The following WWOX variants were observed in gnomAD, a reference collection of about 807,000 sequenced individuals.
The protein encoded by WWOX is WW domain-containing oxidoreductase.
In WWOX, 69 loss-of-function variants were observed where a neutral mutation model predicts 46.2. The ratio of observed to expected loss-of-function variants is 1.49; its 90% confidence interval spans 1.23 to 1.82. The LOEUF is 1.82. WWOX is among the 40% of genes most tolerant of loss of function. The probability of loss-of-function intolerance (pLI) is 0.00; values close to 1 mark genes in which losing one functional copy is unlikely to be tolerated. For missense variants in WWOX, 919 were observed against 542.6 expected, an observed-to-expected ratio of 1.69 and a Z score of -6.89; for synonymous variants, 359 against 202.6, an observed-to-expected ratio of 1.77 and a Z score of -6.56.
chr16:78,973,126 C>G (rs535466346), intron 8 of WWOX, among the ~76,000 whole-genome samples: 1 of 152,284 alleles, frequency 6.6e-6, no homozygotes, highest in East Asian at 1.9e-4. Flanking sequence ...ATTCCCTTCC[C>G]GTATAAGGTG....
intron 8 of WWOX, among the ~76,000 whole-genome samples, chr16:79,124,306 C>G (rs1168078641): frequency 1.3e-5 from 2 of 151,742 alleles, no homozygotes. Context: ...CATGGAAATG[C>G]ATTTCCAATG....
At chr16:78,697,838 C>G (rs965282002) in intron 8 of WWOX, among the ~76,000 whole-genome samples, 11 of 152,028 alleles carry the variant, frequency 7.2e-5, no homozygotes, top group African/African-American at 2.7e-4. Context: ...CTGTTTTGGT[C>G]CTGACAATAC....
intron 8 of WWOX, among the ~76,000 whole-genome samples, chr16:78,502,980 A>G (rs2085107851): frequency 6.6e-6 from 1 of 152,204 alleles, no homozygotes; most frequent in Admixed American, 6.5e-5. Flanking sequence ...GCGATCTTTG[A>G]TTACTACACA....
intron 8 of WWOX, among the ~76,000 whole-genome samples, chr16:78,747,603 G>A (rs2049378744): frequency 6.6e-6 from 1 of 152,082 alleles, no homozygotes. Context: ...CTAGCAAATG[G>A]TGGAGTCGAA....
At chr16:78,358,465 C>G (rs1484900592) in intron 5 of WWOX, among the ~76,000 whole-genome samples, 2 of 152,134 alleles carry the variant, frequency 1.3e-5, no homozygotes, top group Non-Finnish European at 2.9e-5. Flanking sequence ...TGAGACCAGC[C>G]TGGCCAACAT....
At chr16:78,451,634 G>C (rs2083693716) in intron 8 of WWOX, among the ~76,000 whole-genome samples, 1 of 152,164 alleles carries the variant, frequency 6.6e-6, no homozygotes, top group African/African-American at 2.4e-5. Context: ...ACATCTTTGG[G>C]CTGTTGGTGG....
chr16:78,333,889 G>C (rs2080819877), intron 5 of WWOX, among the ~76,000 whole-genome samples: 1 of 152,144 alleles, frequency 6.6e-6, no homozygotes, highest in African/African-American at 2.4e-5. Context: ...GAACAACACA[G>C]TGAGAGCAGA....
At chr16:78,652,296 C>G (rs577495661) in intron 8 of WWOX, among the ~76,000 whole-genome samples, 9 of 150,318 alleles carry the variant, frequency 6.0e-5, no homozygotes, top group African/African-American at 2.2e-4. Flanking sequence ...GTAATCCCAG[C>G]TACTCGGGAG....
intron 8 of WWOX, among the ~76,000 whole-genome samples, chr16:78,853,215 T>C (rs906435035): frequency 2.0e-5 from 3 of 152,142 alleles, no homozygotes; most frequent in African/African-American, 7.2e-5. Flanking sequence ...ATAATTATTA[T>C]TATTTTTTTC....
chr16:78,437,054 A>T (rs1391426437), intron 8 of WWOX, among the ~76,000 whole-genome samples: 1 of 152,116 alleles, frequency 6.6e-6, no homozygotes, highest in Admixed American at 6.6e-5. Flanking sequence ...TTTACCTTAG[A>T]GAGGGTGCTT....
chr16:78,670,600 G>A (rs183068746), intron 8 of WWOX, among the ~76,000 whole-genome samples: 95 of 152,080 alleles, frequency 6.2e-4, no homozygotes, highest in Non-Finnish European at 1.1e-3. Flanking sequence ...GATGAATAAT[G>A]TCCCCCCAAA....
chr16:78,239,680 A>G (rs570782737), intron 5 of WWOX, among the ~76,000 whole-genome samples: 1 of 152,114 alleles, frequency 6.6e-6, no homozygotes, highest in African/African-American at 2.4e-5. Context: ...GTCTACAGTC[A>G]CATGCCACCA....
chr16:78,744,712 G>A (rs957374323), intron 8 of WWOX, among the ~76,000 whole-genome samples: 1 of 152,034 alleles, frequency 6.6e-6, no homozygotes, highest in Admixed American at 6.6e-5. Context: ...GATTACAGGC[G>A]TGAGCCACTG....
chr16:78,503,612 A>G lies in WWOX; in HGVS notation c.1056+70860A>G, dbSNP rs535931472. 3.3e-4 allele frequency: 51 copies of G among 152,330 alleles called. 1 individual carries two copies. The highest frequency in any genetic ancestry group is 1.1e-3 in the African/African-American group (46 of 41,576). The allele number at this position is 152,330 out of a possible 1,614,324, so 9.4% of individuals were successfully genotyped here. ...AAAACTGAAAGAACATTTCCACACC[A>G]TTAGAAATAAGATTTCTTCTTAAAA... On this transcript the variant is annotated intron_variant, in intron 8 of 8. Transcript: ENST00000566780.
Position 78,680,666 on chromosome 16 carries a change from G to T in WWOX, c.1056+247914G>T, listed in dbSNP as rs75524925. 7.6e-3 allele frequency among the ~76,000 whole-genome samples: 1,158 copies of T among 152,290 alleles called. 15 individuals are homozygous for T. Among genetic ancestry groups the T allele is most frequent in the African/African-American group, 0.026 (1,098 of 41,568 alleles). ...TCAATCTCTCACTCACACATTACAA[G>T]TGCTAAACATCCGGACACATCTAGT... On this transcript the variant is annotated intron_variant, in intron 8 of 8. Transcript: ENST00000566780.
At position 79,058,133 on chromosome 16, in the gene WWOX, A is replaced by C. The variant is rs201653844; in HGVS notation, c.1057-153475A>C. Among the ~76,000 whole-genome samples, 819 of 146,032 alleles carry C rather than the reference A, an allele frequency of 5.6e-3. 4 individuals are homozygous for C. Among genetic ancestry groups the C allele is most frequent in the Non-Finnish European group, 8.7e-3 (585 of 67,250 alleles). ...AAAAAAAAAAAAACAAACAAACAAA[A>C]AAAAAAAACTCCTTCTTCATTTGTT... On this transcript the variant is annotated intron_variant, in intron 8 of 8. Transcript: ENST00000566780.
chr16:79,169,457 A>C (rs1191819484), intron 8 of WWOX, among the ~76,000 whole-genome samples: 1 of 152,212 alleles, frequency 6.6e-6, no homozygotes, highest in Non-Finnish European at 1.5e-5. Flanking sequence ...ACTGAGCACT[A>C]TTCTTGGAAT....
intron 8 of WWOX, among the ~76,000 whole-genome samples, chr16:78,494,779 T>G (rs2738723): frequency 0.73 from 111,699 of 152,114 alleles, 43,676 homozygotes; most frequent in Admixed American, 0.86. Context: ...CCCCCCATCT[T>G]TATGGTATGG....
At chr16:78,786,806 A>T (rs973304181) in intron 8 of WWOX, among the ~76,000 whole-genome samples, 3 of 152,226 alleles carry the variant, frequency 2.0e-5, no homozygotes, top group African/African-American at 7.2e-5. Context: ...TTTCTAATAC[A>T]TGCTTTATGG....
Sources: allele counts gnomAD v4.1 joint callset (sites outside exome capture counted in the v4.1 genomes callset), GRCh38; gene constraint gnomAD v4.1.1; transcripts MANE v1.5; gene names NCBI Gene and HGNC (gene_info 2026-07-23, HGNC 2026-07-21).